CD34: variants seen among roughly 807,000 people sequenced by gnomAD.
CD34 encodes the protein CD34 molecule, also known as hematopoietic progenitor cell antigen CD34.
Under a neutral mutation model 40.1 loss-of-function variants are expected in CD34, and 34 were observed. The ratio of observed to expected loss-of-function variants is 0.85; its 90% CI spans 0.65 to 1.13. The LOEUF (loss-of-function observed/expected upper bound fraction) is 1.13. CD34 is among the 50% of genes most tolerant of loss of function. CD34 has a pLI of 0.00. For synonymous variants in CD34, 209 were observed against 190.0 expected (o/e 1.10, Z -0.82); for missense variants, 426 against 466.9 (o/e 0.91, Z 0.81).
At chr1:207,909,186 A>C (rs1361186568) in intron 1 of CD34, among the ~76,000 whole-genome samples, 1 of 152,180 alleles carries the variant, frequency 6.6e-6, no homozygotes, top group South Asian at 2.1e-4. Context: ...TATTCTCAGC[A>C]TATCAGTCCA....
Position 207,899,068 on chromosome 1 carries a change from C to G in CD34, c.421G>C (p.Gly141Arg). ...ETTLKPSLSP[G>R]NVSDLSTTST... ...GTGGTTGAAAGGTCTGAAACATTTC[C>G]AGGTGACAGGCTAGGCTTCAAGGTT... Residue 141 changes from glycine to arginine, a missense_variant, in exon 3 of 8, where the codon GGA (glycine) becomes CGA (arginine). By Grantham distance (125) the Gly-to-Arg change is moderately radical. Coordinates refer to ENST00000310833, the MANE Select transcript of CD34 (RefSeq NM_001025109.2). The G allele has an allele frequency of 6.2e-7, 1 of 1,614,172 alleles. No individual in the cohort carries two copies. Among genetic ancestry groups the G allele is most frequent in the South Asian group, 1.1e-5 (1 of 91,080 alleles).
chr1:207,889,936 G>A, intron 4 of CD34: 43 of 1,456,926 alleles, frequency 3.0e-5, no homozygotes, highest in South Asian at 1.2e-4. Context: ...CAAAAGAAAT[G>A]GCCAAAAACA....
chr1:207,887,710 C>G lies in CD34; in HGVS notation c.*28G>C, dbSNP rs778292443. ...GCAGAGAGGGGTGCTCTCTCGGACA[C>G]TGCCCAGCCTTGCCCCACCTAGCCG... is the stretch of plus-strand genomic sequence containing the variant. On this transcript the variant is annotated 3_prime_UTR_variant, in exon 8 of 8. Transcript: ENST00000310833. 2.1e-5 allele frequency: 34 copies of G among 1,613,592 alleles called. No individual in the cohort carries two copies. Among genetic ancestry groups the G allele is most frequent in the Admixed American group, 1.7e-5 (1 of 59,996 alleles).
chr1:207,899,333 G>C, intron 2 of CD34, 107 bp from the exon 3 acceptor site: 1 of 1,228,318 alleles, frequency 8.1e-7, no homozygotes, highest in Non-Finnish European at 1.2e-6. Flanking sequence ...AGGGAGTTTG[G>C]GGAGTTAACA....
At chr1:207,892,403 C>T (rs1662056639) in intron 4 of CD34, among the ~76,000 whole-genome samples, 1 of 152,102 alleles carries the variant, frequency 6.6e-6, no homozygotes, top group African/African-American at 2.4e-5. Context: ...AATGGTGAAA[C>T]TTTGTCTCTT....
intron 5 of CD34, 59 bp from the exon 6 acceptor site, chr1:207,889,272 C>T: frequency 6.2e-7 from 1 of 1,612,982 alleles, no homozygotes; most frequent in Non-Finnish European, 8.5e-7. Flanking sequence ...CCTGCTCCAC[C>T]CTCCCATGCT....
rs772025818 is a variant in CD34, at chr1:207,899,147, G to C, written c.342C>G (p.Thr114=). The C allele has an allele frequency of 6.2e-7, 1 of 1,614,112 alleles. No individual in the cohort carries two copies. Among genetic ancestry groups the C allele is most frequent in the East Asian group, 2.2e-5 (1 of 44,892 alleles). The change falls in exon 3 of 8, where the codon ACC becomes ACG. Residue 114 remains threonine (T), a synonymous_variant. Transcript: ENST00000310833. ...TGGTGAACACTGTGCTGATTACAGA[G>C]GTCTGTGACTGGACAGAAGAGTTTG... ...GNTNSSVQSQ[T]SVISTVFTTP...
rs1661845909 is a variant in CD34 at position 207,883,661 on chromosome 1, A to G, written c.*4077T>C. On this transcript the variant is annotated 3_prime_UTR_variant, in exon 8 of 8. Coordinates refer to ENST00000310833, the MANE Select transcript of CD34 (RefSeq NM_001025109.2). ...AGGGTTTCTGTGAATGTTAAGTAAA[A>G]TATGCTATTTAAATATTGGCACCAT... The G allele has an allele frequency of 6.6e-6, 1 of 152,176 alleles. No individual in the cohort carries two copies. The highest frequency in any genetic ancestry group is 1.5e-5 in the Non-Finnish European group (1 of 68,032). The allele number at this position is 152,176 out of a possible 1,614,324, so 9.4% of individuals were successfully genotyped here.
At position 207,883,569 on chromosome 1, in the gene CD34, G is replaced by A. The variant is rs1316327630; in HGVS notation, c.*4169C>T. Reference sequence around the variant, plus strand: ...CATCTTTGCCTCTGCCACTGTGCACGTAACACAGTCCCTTGTTATTCTCTG... The same window carrying A: ...CATCTTTGCCTCTGCCACTGTGCACATAACACAGTCCCTTGTTATTCTCTG... On this transcript the variant is annotated 3_prime_UTR_variant, in exon 8 of 8. Coordinates refer to ENST00000310833, the MANE Select transcript of CD34 (RefSeq NM_001025109.2). 3 of 152,122 alleles carry A rather than the reference G, an allele frequency of 2.0e-5. No individual in the cohort carries two copies. The highest frequency in any genetic ancestry group is 6.5e-5 in the Admixed American group (1 of 15,286). The allele number at this position is 152,122 out of a possible 1,614,324, so 9.4% of individuals were successfully genotyped here. A position where few individuals can be genotyped will look rare whatever the true frequency, so the allele number is the denominator to read the frequency against.
chr1:207,889,463 A>G lies in CD34; in HGVS notation c.754+2T>C. 6.2e-7 allele frequency: 1 copy of G among 1,610,324 alleles called. No homozygotes were observed. The highest frequency in any genetic ancestry group is 8.5e-7 in the Non-Finnish European group (1 of 1,177,912). On this transcript the variant is annotated splice_donor_variant, in intron 5 of 7. Transcript: ENST00000310833. LOFTEE classifies it high-confidence loss of function. ...GTTCCCCCAGGCAGAGGTGCACCTT[A>G]CCTGTTCTGTTGGCCAAGACCAGCA...
At chr1:207,895,419 G>C (rs1662131432) in intron 4 of CD34, among the ~76,000 whole-genome samples, 1 of 152,166 alleles carries the variant, frequency 6.6e-6, no homozygotes, top group Admixed American at 6.5e-5. Flanking sequence ...AGCTGCCACA[G>C]AGTTGCTTTA....
At chr1:207,910,315 G>A (rs1258340850) in intron 1 of CD34, among the ~76,000 whole-genome samples, 2 of 152,202 alleles carry the variant, frequency 1.3e-5, no homozygotes, top group African/African-American at 2.4e-5. Context: ...GCGAGGCTGG[G>A]CGCAGAGCAA....
At chr1:207,909,528 C>T (rs1315554984) in intron 1 of CD34, among the ~76,000 whole-genome samples, 1 of 152,146 alleles carries the variant, frequency 6.6e-6, no homozygotes, top group East Asian at 1.9e-4. Flanking sequence ...CCTGCCTCAG[C>T]CTCCCGAGTA....
intron 4 of CD34, among the ~76,000 whole-genome samples, chr1:207,894,692 A>G (rs1040173884): frequency 1.2e-4 from 19 of 152,318 alleles, no homozygotes; most frequent in African/African-American, 4.3e-4. Context: ...CAAAAGAATG[A>G]CAGTTAGACT....
intron 4 of CD34, among the ~76,000 whole-genome samples, chr1:207,895,783 C>T (rs1007739750): frequency 6.6e-6 from 1 of 152,140 alleles, no homozygotes; most frequent in Non-Finnish European, 1.5e-5. Flanking sequence ...TATGCTCCAC[C>T]AAGTCGATGG....
At chr1:207,888,127 G>A (rs1661946833) in intron 7 of CD34, 1 of 1,613,906 alleles carries the variant, frequency 6.2e-7, no homozygotes, top group Non-Finnish European at 8.5e-7. Context: ...TCCTAGAGGA[G>A]AAAGGACATA....
chr1:207,909,698 C>T (rs778648554), intron 1 of CD34, among the ~76,000 whole-genome samples: 1 of 152,196 alleles, frequency 6.6e-6, no homozygotes, highest in African/African-American at 2.4e-5. Context: ...TGAGCCACTG[C>T]GCCCGGCCGA....
intron 6 of CD34, 113 bp downstream of exon 6, chr1:207,889,048 A>G (rs1661971583): frequency 1.1e-6 from 1 of 884,460 alleles, no homozygotes; most frequent in African/African-American, 1.7e-5. Context: ...AAAGGAGAAG[A>G]CTCAGAGAAG....
intron 2 of CD34, 115 bp from the exon 3 acceptor site, chr1:207,899,341 A>G: frequency 8.8e-7 from 1 of 1,131,866 alleles, no homozygotes; most frequent in Non-Finnish European, 1.3e-6. Context: ...TGGGGAGTTA[A>G]CAGTTACTTC....
Sources: allele counts gnomAD v4.1 joint callset (sites outside exome capture counted in the v4.1 genomes callset), GRCh38; gene constraint gnomAD v4.1.1; transcripts MANE v1.5; gene names NCBI Gene and HGNC (gene_info 2026-07-23, HGNC 2026-07-21).